Variants in MAF observed in about 807,000 individuals in gnomAD.
MAF encodes the protein MAF bZIP transcription factor, also known as transcription factor Maf.
A neutral mutation model predicts 22.0 loss-of-function variants in MAF; 10 were observed. The ratio of observed to expected loss-of-function variants is 0.45; its 90% CI spans 0.28 to 0.77. The LOEUF is 0.77. Ranked by LOEUF, MAF falls within the 30% of genes least tolerant of loss-of-function variation. The pLI is 0.12. For missense variants in MAF, 544 were observed against 548.4 expected (o/e 0.99, Z 0.08); for synonymous variants, 337 against 255.8 (o/e 1.32, Z -3.03).
At chr16:79,443,820 G>T in the MAF span, among the ~76,000 whole-genome samples, 4 of 152,088 alleles carry the variant, frequency 2.6e-5, no homozygotes, top group East Asian at 1.9e-4. Context: ...TACCTCACAG[G>T]GTTGCTTGGA....
chr16:79,446,173 T>A, the MAF span, among the ~76,000 whole-genome samples: 1 of 152,182 alleles, frequency 6.6e-6, no homozygotes, highest in East Asian at 1.9e-4. Context: ...AGGGGATATG[T>A]CTCTCTAGGA....
the MAF span, among the ~76,000 whole-genome samples, chr16:79,314,968 T>C: frequency 6.6e-6 from 1 of 152,208 alleles, no homozygotes; most frequent in South Asian, 2.1e-4. Flanking sequence ...TATTTCTCCA[T>C]TGTTCCTCTG....
At chr16:79,247,644 C>T in the MAF span, among the ~76,000 whole-genome samples, 472 of 152,272 alleles carry the variant, frequency 3.1e-3, 2 homozygotes, top group African/African-American at 0.01. Flanking sequence ...ACTGCTTAGC[C>T]GGTCTTACCA....
chr16:79,212,356 C>CAGAGGGAGTAGA, the MAF span: 1 of 592,716 alleles, frequency 1.7e-6, no homozygotes. Context: ...CAGTGACACC[C>CAGAGGGAGTAGA]AGAGGGAGTA....
intron 1 of MAF, chr16:79,597,419 T>C (rs959449867): frequency 1.9e-6 from 2 of 1,030,466 alleles, no homozygotes; most frequent in African/African-American, 3.4e-5. Flanking sequence ...TTTTAAAAAA[T>C]AAATTTTAGA....
the MAF span, among the ~76,000 whole-genome samples, chr16:79,251,058 A>G: frequency 1.2e-4 from 18 of 151,728 alleles, no homozygotes; most frequent in Non-Finnish European, 2.2e-4. Flanking sequence ...CCTTCAGAGC[A>G]ACCCTGATGA....
the MAF span, among the ~76,000 whole-genome samples, chr16:79,405,664 T>A: frequency 6.6e-6 from 1 of 152,242 alleles, no homozygotes; most frequent in African/African-American, 2.4e-5. Context: ...AGACTTCGAA[T>A]GTTCATACAG....
At chr16:79,437,919 C>T in the MAF span, among the ~76,000 whole-genome samples, 1 of 152,072 alleles carries the variant, frequency 6.6e-6, no homozygotes, top group Non-Finnish European at 1.5e-5. Context: ...GGGAGGTTTC[C>T]GCCTCTGCAG....
chr16:79,259,399 C>T, the MAF span, among the ~76,000 whole-genome samples: 405 of 152,274 alleles, frequency 2.7e-3, 1 homozygote, highest in African/African-American at 8.7e-3. Flanking sequence ...TGTGAAGTCA[C>T]CCCCAGTTGC....
the MAF span, among the ~76,000 whole-genome samples, chr16:79,228,996 G>C: frequency 1.3e-4 from 19 of 151,836 alleles, no homozygotes; most frequent in African/African-American, 4.4e-4. Context: ...ACATCCATCA[G>C]AGCACAATTC....
chr16:79,544,560 G>C, the MAF span, among the ~76,000 whole-genome samples: 2 of 152,058 alleles, frequency 1.3e-5, no homozygotes, highest in Non-Finnish European at 2.9e-5. Context: ...GGATCACAAG[G>C]TCAGGAGATC....
chr16:79,410,205 A>C, the MAF span, among the ~76,000 whole-genome samples: 3 of 152,106 alleles, frequency 2.0e-5, no homozygotes, highest in Non-Finnish European at 4.4e-5. Flanking sequence ...TCTGTACGTC[A>C]CTTCCCTTTT....
At chr16:79,353,048 T>C in the MAF span, among the ~76,000 whole-genome samples, 1 of 151,536 alleles carries the variant, frequency 6.6e-6, no homozygotes, top group African/African-American at 2.4e-5. Context: ...TAGATAGAGA[T>C]GCCAAATCAG....
At chr16:79,552,919 A>C in the MAF span, among the ~76,000 whole-genome samples, 1 of 152,366 alleles carries the variant, frequency 6.6e-6, no homozygotes, top group African/African-American at 2.4e-5. Flanking sequence ...TTGCCACATC[A>C]GTTCAACTTG....
the MAF span, among the ~76,000 whole-genome samples, chr16:79,471,297 C>G: frequency 1.3e-5 from 2 of 152,210 alleles, no homozygotes; most frequent in African/African-American, 4.8e-5. Flanking sequence ...ATGAAGAGCA[C>G]GACAGAACCC....
At chr16:79,222,305 C>G in the MAF span, among the ~76,000 whole-genome samples, 1 of 152,140 alleles carries the variant, frequency 6.6e-6, no homozygotes, top group Non-Finnish European at 1.5e-5. Flanking sequence ...TTTATCACCA[C>G]CAGGCCTGTC....
chr16:79,211,539 G>A, the MAF span: 1 of 1,604,292 alleles, frequency 6.2e-7, no homozygotes, highest in African/African-American at 1.3e-5. Context: ...TGCCCAGGCA[G>A]TCGAAATGAC....
At chr16:79,528,129 G>C in the MAF span, among the ~76,000 whole-genome samples, 1 of 152,098 alleles carries the variant, frequency 6.6e-6, no homozygotes, top group Non-Finnish European at 1.5e-5. Flanking sequence ...GCAACAGAGC[G>C]TGACTCTGTC....
At chr16:79,352,701 A>G in the MAF span, among the ~76,000 whole-genome samples, 2 of 152,206 alleles carry the variant, frequency 1.3e-5, no homozygotes, top group Non-Finnish European at 2.9e-5. Context: ...CCAACAGGGC[A>G]GGGCTTCTCG....
Sources: allele counts gnomAD v4.1 joint callset (sites outside exome capture counted in the v4.1 genomes callset), GRCh38; gene constraint gnomAD v4.1.1; transcripts MANE v1.5; gene names NCBI Gene and HGNC (gene_info 2026-07-23, HGNC 2026-07-21).